NFYC: variants seen among roughly 807,000 people sequenced by gnomAD.
NFYC encodes CAAT box DNA-binding protein subunit C.
A neutral mutation model predicts 53.1 loss-of-function variants in NFYC; 25 were observed. The observed-to-expected ratio is 0.47, with a 90% CI of 0.34 to 0.66. NFYC has a LOEUF of 0.66. Among genes scored for constraint, NFYC ranks in the 30% least tolerant of loss-of-function variants. The pLI, the probability that NFYC is intolerant of heterozygous loss-of-function variation, is 0.01. For missense variants in NFYC, 260 were observed against 422.7 expected (o/e 0.62, Z 3.38); for synonymous variants, 145 against 152.6 (o/e 0.95, Z 0.37).
chr1:40,766,624 A>G lies in NFYC; in HGVS notation c.749A>G (p.Tyr250Cys). The change falls in exon 8 of 10, where the codon TAT (tyrosine) becomes TGT (cysteine). Residue 250 changes from tyrosine to cysteine, a missense_variant. By Grantham distance (194) the Tyr-to-Cys change is radical (BLOSUM62 -2). Transcript: ENST00000447388. ...PVQLNAGQLQ[Y>C]IRLAQPVSGT... Reference sequence around the variant, plus strand: ...CAGCTGAATGCCGGCCAGCTGCAGTATATCCGCTTAGCCCAGCCTGTATCA... The same window carrying G: ...CAGCTGAATGCCGGCCAGCTGCAGTGTATCCGCTTAGCCCAGCCTGTATCA... 1.2e-6 allele frequency: 2 copies of G among 1,614,122 alleles called. No individual in the cohort carries two copies. Among genetic ancestry groups the G allele is most frequent in the Non-Finnish European group, 1.7e-6 (2 of 1,180,010 alleles).
At chr1:40,726,619 G>A (rs776904256) in intron 1 of NFYC, among the ~76,000 whole-genome samples, 2 of 151,926 alleles carry the variant, frequency 1.3e-5, no homozygotes, top group African/African-American at 2.4e-5. Flanking sequence ...GTGTTGCCCA[G>A]ACTGATCTTG....
In NFYC at chr1:40,749,693, T is replaced by C; in HGVS notation, c.291+7T>C. On this transcript the variant is annotated splice_region_variant and intron_variant, in intron 4 of 9. Coordinates refer to ENST00000447388, the MANE Select transcript of NFYC (RefSeq NM_014223.5). ...CAAGCGCCGGACTCTACAGGTATTA[T>C]TGCAGACTTAGATTAGGAAAACTGG... 6.2e-7 allele frequency: 1 copy of C among 1,611,366 alleles called. No homozygotes were observed. The highest frequency in any genetic ancestry group is 1.3e-5 in the African/African-American group (1 of 74,988).
intron 4 of NFYC, among the ~76,000 whole-genome samples, chr1:40,752,633 T>C (rs1015061257): frequency 3.9e-5 from 6 of 152,208 alleles, no homozygotes; most frequent in African/African-American, 1.4e-4. Flanking sequence ...ATGGTTTAAG[T>C]ATTGCAATTT....
chr1:40,706,221 G>A (rs1468972405), intron 1 of NFYC, among the ~76,000 whole-genome samples: 2 of 151,942 alleles, frequency 1.3e-5, no homozygotes, highest in Non-Finnish European at 2.9e-5. Flanking sequence ...GAATCCAGAT[G>A]TATGGCTAGG....
In NFYC at chr1:40,739,057, A is replaced by G. The variant is rs899670765; in HGVS notation, c.105+109A>G. The G allele has an allele frequency of 1.4e-5, 11 of 799,380 alleles. No individual in the cohort carries two copies. In the African/African-American group the frequency reaches 1.7e-4, roughly 13 times the overall value. 49.5% of individuals were successfully genotyped at this position (799,380 alleles called of 1,614,324 possible). ...CATTTTTAATTTCAAGCACATTTAC[A>G]GAGGCATGGTTCACCCCTGACCTGT... On this transcript the variant is annotated intron_variant, in intron 2 of 9. Transcript: ENST00000447388.
At chr1:40,749,843 C>T (rs977377241) in intron 4 of NFYC, among the ~76,000 whole-genome samples, 157 bp downstream of exon 4, 2 of 152,174 alleles carry the variant, frequency 1.3e-5, no homozygotes, top group Non-Finnish European at 1.5e-5. Flanking sequence ...ATCAAGCTGA[C>T]GTGTCATTGG....
At chr1:40,718,003 A>G (rs772163495) in intron 1 of NFYC, among the ~76,000 whole-genome samples, 8 of 152,236 alleles carry the variant, frequency 5.3e-5, no homozygotes, top group Admixed American at 2.0e-4. Flanking sequence ...TGTTGTAATT[A>G]TCCTCAATCT....
intron 1 of NFYC, among the ~76,000 whole-genome samples, chr1:40,696,425 C>T (rs1430964186): frequency 6.6e-6 from 1 of 152,208 alleles, no homozygotes; most frequent in Non-Finnish European, 1.5e-5. Context: ...GTCCTGGCTT[C>T]TTAGCTCAGG....
chr1:40,724,130 G>A (rs866017094), intron 1 of NFYC, among the ~76,000 whole-genome samples: 1 of 152,196 alleles, frequency 6.6e-6, no homozygotes, highest in Non-Finnish European at 1.5e-5. Context: ...AGCGTTTTGG[G>A]AGGCCGAGGT....
At chr1:40,722,780 A>G (rs1399975614) in intron 1 of NFYC, among the ~76,000 whole-genome samples, 4 of 152,228 alleles carry the variant, frequency 2.6e-5, no homozygotes, top group Admixed American at 6.5e-5. Flanking sequence ...CCCAGGTCCA[A>G]TACATTTTAT....
intron 5 of NFYC, among the ~76,000 whole-genome samples, chr1:40,755,627 T>C (rs1646169754): frequency 6.6e-6 from 1 of 152,230 alleles, no homozygotes; most frequent in South Asian, 2.1e-4. Flanking sequence ...CCTTGCTGGC[T>C]TGACCTCCAT....
intron 1 of NFYC, among the ~76,000 whole-genome samples, chr1:40,714,937 G>A (rs650949): frequency 0.014 from 2,103 of 151,976 alleles, 54 homozygotes; most frequent in African/African-American, 0.049. Flanking sequence ...AAAATTAGCC[G>A]GGTGTGGTGG....
intron 1 of NFYC, among the ~76,000 whole-genome samples, chr1:40,719,498 T>A (rs1006229491): frequency 6.6e-6 from 1 of 152,218 alleles, no homozygotes; most frequent in Admixed American, 6.5e-5. Context: ...ACTTGATCCT[T>A]TCTATCTCCA....
intron 7 of NFYC, 137 bp downstream of exon 7, chr1:40,763,183 T>C (rs1418259908): frequency 1.4e-6 from 1 of 723,538 alleles, no homozygotes. Context: ...TACCTTGATA[T>C]ATATATCTAT....
intron 1 of NFYC, chr1:40,735,769 T>G: frequency 1.0e-6 from 1 of 984,366 alleles, no homozygotes; most frequent in South Asian, 4.7e-5. Flanking sequence ...CTTTTAAAGC[T>G]TTTTGATAAT....
At chr1:40,693,836 G>T (rs916909364) in intron 1 of NFYC, among the ~76,000 whole-genome samples, 1 of 152,214 alleles carries the variant, frequency 6.6e-6, no homozygotes, top group Non-Finnish European at 1.5e-5. Context: ...GGTGTTTAGA[G>T]TGTATAAAAT....
At chr1:40,693,967 G>T (rs1270247459) in intron 1 of NFYC, among the ~76,000 whole-genome samples, 1 of 152,224 alleles carries the variant, frequency 6.6e-6, no homozygotes, top group Non-Finnish European at 1.5e-5. Context: ...GGCTTCTATT[G>T]TGAAAGGGAA....
At chr1:40,715,613 A>G (rs1389710893) in intron 1 of NFYC, among the ~76,000 whole-genome samples, 1 of 152,002 alleles carries the variant, frequency 6.6e-6, no homozygotes, top group African/African-American at 2.4e-5. Context: ...GTCAGATTCT[A>G]TTTGTATTAT....
At chr1:40,694,917 ATCTGTTATC>A (rs1643041422) in intron 1 of NFYC, among the ~76,000 whole-genome samples, 1 of 152,222 alleles carries the variant, frequency 6.6e-6, no homozygotes, top group Non-Finnish European at 1.5e-5. Flanking sequence ...CTTATGACAA[ATCTGTTATC>A]TCATTTATAC....
Sources: gnomAD v4.1 joint callset for allele counts (sites outside exome capture counted in the v4.1 genomes callset) on GRCh38, gnomAD v4.1.1 for gene constraint, MANE v1.5 for transcripts, NCBI Gene and HGNC (gene_info 2026-07-23, HGNC 2026-07-21) for gene names.